The following ST13 variants were observed in gnomAD, a reference collection of about 807,000 sequenced individuals.
ST13 encodes ST13 Hsp70 interacting protein, also known as hsc70-interacting protein.
In ST13, 23 loss-of-function variants were observed where a neutral mutation model predicts 56.7. The ratio of observed to expected loss-of-function variants is 0.41; its 90% CI spans 0.29 to 0.57. The LOEUF (loss-of-function observed/expected upper bound fraction) is 0.57. Ranked by LOEUF, ST13 falls within the 20% of genes least tolerant of loss-of-function variation. The pLI, the probability that ST13 is intolerant of heterozygous loss-of-function variation, is 0.36. For synonymous variants in ST13, 132 were observed against 142.4 expected, an observed-to-expected ratio of 0.93 and a Z score of 0.52; for missense variants, 369 against 459.9, an observed-to-expected ratio of 0.80 and a Z score of 1.81.
chr22:40,830,447 C>A (rs748874586), intron 9 of ST13, among the ~76,000 whole-genome samples: 1 of 152,158 alleles, frequency 6.6e-6, no homozygotes, highest in African/African-American at 2.4e-5. Context: ...GCACTTGCCA[C>A]CTTGCCCTGC....
intron 4 of ST13, among the ~76,000 whole-genome samples, chr22:40,843,328 T>G (rs983134708): frequency 1.3e-5 from 2 of 152,128 alleles, no homozygotes; most frequent in African/African-American, 4.8e-5. Context: ...TTGATCAACC[T>G]ATTTCTAAAA....
At chr22:40,848,182 A>G in intron 3 of ST13, 112 bp downstream of exon 3, 1 of 699,904 alleles carries the variant, frequency 1.4e-6, no homozygotes. Context: ...TCTAAGTTTC[A>G]TATGTGCCAT....
intron 5 of ST13, among the ~76,000 whole-genome samples, chr22:40,837,578 G>A (rs761257661): frequency 1.3e-5 from 2 of 152,092 alleles, no homozygotes; most frequent in Non-Finnish European, 2.9e-5. Context: ...CCCGGGAGGC[G>A]GAGGTTGCGG....
chr22:40,841,221 CAA>C (rs1786420876), intron 4 of ST13, among the ~76,000 whole-genome samples: 1 of 132,090 alleles, frequency 7.6e-6, no homozygotes, highest in African/African-American at 2.9e-5. Context: ...AAAAAAAAAA[CAA>C]GCTGGGCATG....
intron 4 of ST13, among the ~76,000 whole-genome samples, chr22:40,843,881 T>C (rs1053983363): frequency 1.5e-4 from 19 of 128,018 alleles, no homozygotes; most frequent in African/African-American, 6.1e-4. Flanking sequence ...ATCAGGAAAA[T>C]GCATTTTTTT....
intron 1 of ST13, among the ~76,000 whole-genome samples, chr22:40,852,575 A>G (rs80144692): frequency 0.012 from 1,863 of 152,350 alleles, 36 homozygotes; most frequent in African/African-American, 0.042. Flanking sequence ...GGAATTTCTT[A>G]TAAGCACCAT....
chr22:40,831,485 G>A (rs545851933), intron 8 of ST13, among the ~76,000 whole-genome samples: 1 of 152,174 alleles, frequency 6.6e-6, no homozygotes, highest in Non-Finnish European at 1.5e-5. Context: ...ATGTATACCA[G>A]ACACTAGTAT....
chr22:40,850,367 C>T (rs142294139), intron 2 of ST13, among the ~76,000 whole-genome samples: 1 of 152,300 alleles, frequency 6.6e-6, no homozygotes, highest in African/African-American at 2.4e-5. Context: ...CTTACACGTC[C>T]TTTAAGCAAA....
chr22:40,848,294 C>T lies in ST13; in HGVS notation c.244G>A (p.Glu82Lys). The T allele has an allele frequency of 1.2e-6, 2 of 1,610,898 alleles. No homozygotes were observed. Among genetic ancestry groups the T allele is most frequent in the Non-Finnish European group, 1.7e-6 (2 of 1,177,156 alleles). ...DEPSSEESDL[E>K]IDKEGVIEPD... ...TACAAACTAACTACCGTCTCCTCAC[C>T]TAGATCACTTTCCTCACTTGATGGT... The change falls in exon 3 of 12, where the codon GAA (glutamate) becomes AAA (lysine). Residue 82 changes from glutamate (E) to lysine (K), a missense_variant and splice_region_variant. Around this residue, in one of 3 missense-constraint regions of ST13, gnomAD observed 169 missense variants for 175.6 expected, o/e 0.96. Coordinates refer to ENST00000216218, the MANE Select transcript of ST13 (RefSeq NM_003932.5).
chr22:40,835,908 T>C (rs748726380), intron 5 of ST13, 21 bp from the exon 6 acceptor site: 2 of 1,561,808 alleles, frequency 1.3e-6, no homozygotes, highest in South Asian at 1.1e-5. Flanking sequence ...ACAAAAGTTA[T>C]CGAGAAATAT....
chr22:40,826,776 T>C (rs1416290301), intron 11 of ST13, 110 bp from the exon 12 acceptor site: 2 of 1,298,620 alleles, frequency 1.5e-6, no homozygotes, highest in Admixed American at 2.0e-5. Flanking sequence ...ATAGTTAAGT[T>C]AAATGGGGTT....
rs1168966058 is a variant in ST13 at position 40,825,606 on chromosome 22, G to A, written c.*932C>T. ...ATTAAACTCAGCATTAAATATGCTT[G>A]TATAATTACGCTGTTAATGATGATA... On this transcript the variant is annotated 3_prime_UTR_variant, in exon 12 of 12. Coordinates refer to ENST00000216218, the MANE Select transcript of ST13 (RefSeq NM_003932.5). 1 of 152,022 alleles carries A rather than the reference G, an allele frequency of 6.6e-6. No homozygotes were observed. Among genetic ancestry groups the A allele is most frequent in the East Asian group, 1.9e-4 (1 of 5,180 alleles). The allele number at this position is 152,022 out of a possible 1,614,324, so 9.4% of individuals were successfully genotyped here.
chr22:40,835,820 C>G lies in ST13; in HGVS notation c.450G>C (p.Leu150Phe). Reference protein sequence around the residue: ...AIKLNPRLAILYAKRASVFVK... With the variant: ...AIKLNPRLAIFYAKRASVFVK... ...GTTCTCACCTGGCCCTCTTGGCATA[C>G]AAAATGGCCAAGCGAGGATTCAGCT... is the stretch of plus-strand genomic sequence containing the variant. The change falls in exon 6 of 12, where the codon TTG (leucine) becomes TTC (phenylalanine). Residue 150 changes from leucine to phenylalanine, a missense_variant. By Grantham distance (22) the Leu-to-Phe change is conservative. Around this residue, in one of 3 missense-constraint regions of ST13, gnomAD observed 64 missense variants for 125.1 expected, o/e 0.51. Transcript: ENST00000216218. 1 of 1,613,830 alleles carries G rather than the reference C, an allele frequency of 6.2e-7. No individual in the cohort carries two copies. Among genetic ancestry groups the G allele is most frequent in the Non-Finnish European group, 8.5e-7 (1 of 1,179,932 alleles).
intron 1 of ST13, among the ~76,000 whole-genome samples, chr22:40,852,290 T>C (rs1162525489): frequency 6.6e-6 from 1 of 152,272 alleles, no homozygotes; most frequent in Non-Finnish European, 1.5e-5. Context: ...TGGCATCTCA[T>C]TGCAGTTGAG....
intron 8 of ST13, chr22:40,831,947 G>C (rs1340781624): frequency 4.2e-6 from 1 of 239,052 alleles, no homozygotes; most frequent in Non-Finnish European, 8.6e-6. Context: ...CCACCTCCCA[G>C]GTTCAAGTGA....
At chr22:40,853,351 T>C (rs1194752302) in intron 1 of ST13, among the ~76,000 whole-genome samples, 1 of 151,174 alleles carries the variant, frequency 6.6e-6, no homozygotes, top group African/African-American at 2.4e-5. Flanking sequence ...GCAAAAAAAA[T>C]AAAAACTTTA....
intron 4 of ST13, among the ~76,000 whole-genome samples, chr22:40,841,782 G>A (rs182335882): frequency 6.6e-6 from 1 of 151,438 alleles, no homozygotes; most frequent in African/African-American, 2.4e-5. Context: ...TTATAGAGAC[G>A]GGTTTTCATC....
At chr22:40,843,538 TAGATTAA>T (rs374687428) in intron 4 of ST13, among the ~76,000 whole-genome samples, 226 of 152,154 alleles carry the variant, frequency 1.5e-3, no homozygotes, top group African/African-American at 5.3e-3. Context: ...GTGGGACCGG[TAGATTAA>T]AGGTGAAAGG....
intron 10 of ST13, among the ~76,000 whole-genome samples, chr22:40,828,883 C>T (rs1432734712): frequency 6.6e-6 from 1 of 152,146 alleles, no homozygotes; most frequent in Non-Finnish European, 1.5e-5. Context: ...ATTACTGACC[C>T]AAAGCTTGTC....
Sources: allele counts gnomAD v4.1 joint callset (sites outside exome capture counted in the v4.1 genomes callset), GRCh38; gene constraint gnomAD v4.1.1; regional missense constraint gnomAD v4.1.1; transcripts MANE v1.5; gene names NCBI Gene and HGNC (gene_info 2026-07-23, HGNC 2026-07-21).